The following SMAD7 variants were observed in gnomAD, a reference collection of about 807,000 sequenced individuals.
SMAD7 encodes MAD (mothers against decapentaplegic, Drosophila) homolog 7.
SMAD7 carries 8 observed loss-of-function variants against 38.7 expected under a neutral mutation model. The ratio of observed to expected loss-of-function variants is 0.21; its 90% CI spans 0.12 to 0.37. The LOEUF is 0.37. Ranked by LOEUF, SMAD7 falls within the 10% of genes least tolerant of loss-of-function variation. The pLI is 1.00. For missense variants in SMAD7, 477 were observed against 577.9 expected, an observed-to-expected ratio of 0.83 and a Z score of 1.79; for synonymous variants, 327 against 265.1, an observed-to-expected ratio of 1.23 and a Z score of -2.27.
At chr18:48,949,014 G>A (rs1305228437) in intron 1 of SMAD7, among the ~76,000 whole-genome samples, 1 of 152,260 alleles carries the variant, frequency 6.6e-6, no homozygotes, top group Non-Finnish European at 1.5e-5. Flanking sequence ...AATGGAGAAA[G>A]CTGAGAGGAT....
chr18:48,935,241 C>CT (rs964959875), intron 3 of SMAD7, among the ~76,000 whole-genome samples: 1 of 152,182 alleles, frequency 6.6e-6, no homozygotes, highest in Non-Finnish European at 1.5e-5. Flanking sequence ...GTGAGTGTTG[C>CT]TTTCTTGGTG....
intron 3 of SMAD7, among the ~76,000 whole-genome samples, chr18:48,933,904 G>A (rs572127210): frequency 5.3e-5 from 8 of 152,314 alleles, no homozygotes; most frequent in East Asian, 1.9e-4. Context: ...AACAAAGCAC[G>A]CTAAGGAAAA....
chr18:48,940,089 C>A (rs1015854557), intron 3 of SMAD7, among the ~76,000 whole-genome samples: 5 of 152,204 alleles, frequency 3.3e-5, no homozygotes, highest in Admixed American at 1.3e-4. Flanking sequence ...GTGCCCATCA[C>A]CTCCCCTCCA....
intron 3 of SMAD7, among the ~76,000 whole-genome samples, chr18:48,933,937 G>A (rs865834095): frequency 1.3e-5 from 2 of 152,194 alleles, no homozygotes; most frequent in East Asian, 1.9e-4. Flanking sequence ...GGGGGTGAGC[G>A]TGAGTGGAGA....
intron 3 of SMAD7, among the ~76,000 whole-genome samples, chr18:48,938,794 T>C (rs527470822): frequency 1.3e-5 from 2 of 152,140 alleles, no homozygotes; most frequent in Admixed American, 6.5e-5. Flanking sequence ...ATCCTTTCCA[T>C]CTCCACGACG....
At chr18:48,936,937 C>T (rs141121926) in intron 3 of SMAD7, among the ~76,000 whole-genome samples, 58 of 152,118 alleles carry the variant, frequency 3.8e-4, no homozygotes, top group African/African-American at 1.3e-3. Flanking sequence ...ACAAATTAGC[C>T]GGGCGTGGTG....
chr18:48,948,312 C>T (rs1447600414), intron 2 of SMAD7, 72 bp downstream of exon 2: 2 of 1,139,096 alleles, frequency 1.8e-6, no homozygotes, highest in Non-Finnish European at 2.5e-6. Context: ...TGCCTACACA[C>T]AAAAAGCCAC....
Position 48,921,462 on chromosome 18 carries a change from G to A in SMAD7, c.1191C>T (p.Ile397=). ...QQPWTGFTVQ[I]SFVKGWGQCY... The stretch of plus-strand genomic sequence containing the variant: ...ACTGGCCCCAGCCCTTCACAAAGCT[G>A]ATCTGCACGGTAAAGCCCGTCCACG... Residue 397 remains isoleucine, a synonymous_variant, in exon 4 of 4, where the codon ATC becomes ATT. Coordinates refer to ENST00000262158, the MANE Select transcript of SMAD7 (RefSeq NM_005904.4). The surrounding 1 kb of genome is among the most constrained non-coding windows in gnomAD (Gnocchi z 6.4). 1.2e-6 allele frequency: 2 copies of A among 1,614,198 alleles called. No individual in the cohort carries two copies. The highest frequency in any genetic ancestry group is 1.7e-6 in the Non-Finnish European group (2 of 1,180,012).
intron 1 of SMAD7, 60 bp from the exon 2 acceptor site, chr18:48,948,497 T>C: frequency 1.8e-6 from 2 of 1,100,792 alleles, no homozygotes; most frequent in Non-Finnish European, 2.7e-6. Context: ...GATAGAAACT[T>C]ATGATAACAG....
chr18:48,942,876 G>T, intron 2 of SMAD7: 1 of 933,878 alleles, frequency 1.1e-6, no homozygotes, highest in Non-Finnish European at 1.4e-6. Flanking sequence ...GTCAAAGGAG[G>T]TTTGGGTTGG....
intron 3 of SMAD7, among the ~76,000 whole-genome samples, chr18:48,936,883 C>G (rs1265394723): frequency 6.6e-6 from 1 of 152,078 alleles, no homozygotes; most frequent in East Asian, 1.9e-4. Flanking sequence ...AGTTCAAGAC[C>G]AGCCTGACCA....
In SMAD7 at chr18:48,949,954, G is replaced by A; in HGVS notation, c.471C>T (p.Leu157=). Residue 157 remains leucine (L), a synonymous_variant, in exon 1 of 4, where the codon CTC becomes CTT. Transcript: ENST00000262158. ...AQPPSSYSLP[L]LLCKVFRWPD... is the part of the protein sequence containing the mutation. ...GCCACCTGAACACTTTGCACAGCAG[G>A]AGGGGGAGCGAGTAGGACGAGGGCG... 1 of 1,611,436 alleles carries A rather than the reference G, an allele frequency of 6.2e-7. No homozygotes were observed. Among genetic ancestry groups the A allele is most frequent in the Non-Finnish European group, 8.5e-7 (1 of 1,179,120 alleles).
At chr18:48,923,177 C>A (rs894470877) in intron 3 of SMAD7, among the ~76,000 whole-genome samples, 1 of 152,230 alleles carries the variant, frequency 6.6e-6, no homozygotes, top group Non-Finnish European at 1.5e-5. Flanking sequence ...GGCCCCACGT[C>A]GGTCAGGGCC....
chr18:48,924,461 T>C (rs536668693), intron 3 of SMAD7, among the ~76,000 whole-genome samples: 88 of 152,252 alleles, frequency 5.8e-4, no homozygotes, highest in South Asian at 5.2e-3. Context: ...GGGTGGGGAC[T>C]GGAGCCTGAG....
At position 48,937,263 on chromosome 18, in the gene SMAD7, C is replaced by CGTGTGTGTGT. The variant is rs1416134181; in HGVS notation, c.742+5217_742+5218insACACACACAC. Among the ~76,000 whole-genome samples, 388 of 69,098 alleles carry CGTGTGTGTGT rather than the reference C, an allele frequency of 5.6e-3. 1 individual carries two copies. The highest frequency in any genetic ancestry group is 0.017 in the African/African-American group (266 of 15,356). The allele number at this position is 69,098 out of a possible 152,430, so 45.3% of individuals were successfully genotyped here. On this transcript the variant is annotated intron_variant, in intron 3 of 3. Coordinates refer to ENST00000262158, the MANE Select transcript of SMAD7 (RefSeq NM_005904.4). Reference sequence around the variant, plus strand: ...ACAGTCAGGCTTTGCTAAGTAAAGGCATGTGTGTGTGTGTGTGTGTGTGTG... The same window carrying CGTGTGTGTGT: ...ACAGTCAGGCTTTGCTAAGTAAAGGCGTGTGTGTGTATGTGTGTGTGTGTGTGTGTGTGTG...
intron 3 of SMAD7, among the ~76,000 whole-genome samples, chr18:48,934,076 A>T (rs991318352): frequency 6.6e-6 from 1 of 152,054 alleles, no homozygotes; most frequent in East Asian, 1.9e-4. Flanking sequence ...CAAAGAGGGG[A>T]TTTAGAAACC....
At chr18:48,946,430 C>CGGGGGGGGGGGGTG (rs74174734) in intron 2 of SMAD7, among the ~76,000 whole-genome samples, 1 of 145,904 alleles carries the variant, frequency 6.9e-6, no homozygotes, top group Non-Finnish European at 1.5e-5. Context: ...GTGAGGGGGG[C>CGGGGGGGGGGGGTG]GGGGGGGGTG....
chr18:48,929,563 T>TCACACACACACACACA (rs1290309827), intron 3 of SMAD7, among the ~76,000 whole-genome samples: 1 of 38,560 alleles, frequency 2.6e-5, no homozygotes, highest in Non-Finnish European at 6.0e-5. Context: ...TCTCTCTCTC[T>TCACACACACACACACA]CTCTCTCACT....
chr18:48,921,491 G>A lies in SMAD7; in HGVS notation c.1162C>T (p.Gln388Ter), dbSNP rs1311927147. 1 of 1,614,116 alleles carries A rather than the reference G, an allele frequency of 6.2e-7. No individual in the cohort carries two copies. Among genetic ancestry groups the A allele is most frequent in the African/African-American group, 1.3e-5 (1 of 74,936 alleles). The change falls in exon 4 of 4, where the codon CAG becomes TAG. Residue 388 changes from glutamine (Q) to a stop codon, truncating the protein, a stop_gained. Transcript: ENST00000262158. LOFTEE classifies it high-confidence loss of function. The surrounding 1 kb of genome is among the most constrained non-coding windows in gnomAD (Gnocchi z 6.4). ...TGCACGGTAAAGCCCGTCCACGGCTGCTGCATAAACTCGTGGTCATTGGGC... is the reference window on the plus strand; with the variant it reads ...TGCACGGTAAAGCCCGTCCACGGCTACTGCATAAACTCGTGGTCATTGGGC... ...QRPNDHEFMQQPWTGFTVQIS... is the reference protein window; with the variant it reads ...QRPNDHEFMQ
Sources: gnomAD v4.1 joint callset for allele counts (sites outside exome capture counted in the v4.1 genomes callset) on GRCh38, gnomAD v4.1.1 for gene constraint, Gnocchi (gnomAD v3.1) non-coding constraint, MANE v1.5 for transcripts, NCBI Gene and HGNC (gene_info 2026-07-23, HGNC 2026-07-21) for gene names.